F13A1: variants seen among roughly 807,000 people sequenced by gnomAD.
The protein encoded by F13A1 is FSF, A subunit.
In F13A1, 47 loss-of-function variants were observed where a neutral mutation model predicts 80.1. That is an observed-to-expected ratio of 0.59 (90% CI 0.46 to 0.75). The LOEUF is 0.75. F13A1 is among the 30% of genes least tolerant of loss of function. The pLI is 0.00. For synonymous variants in F13A1, 349 were observed against 344.9 expected (o/e 1.01, Z -0.13); for missense variants, 817 against 930.4 (o/e 0.88, Z 1.59).
intron 8 of F13A1, among the ~76,000 whole-genome samples, chr6:6,200,019 G>C (rs1224035035): frequency 1.3e-5 from 2 of 152,208 alleles, no homozygotes; most frequent in African/African-American, 4.8e-5. Flanking sequence ...AAAAAAGGAA[G>C]AGAAGAAAGT....
chr6:6,238,959 T>C (rs1436740983), intron 6 of F13A1, among the ~76,000 whole-genome samples: 4 of 152,098 alleles, frequency 2.6e-5, no homozygotes, highest in Admixed American at 2.6e-4. Flanking sequence ...TCTTATAAAG[T>C]TAAATATATA....
chr6:6,161,264 ACTCAGGCCACT>A (rs1453536648), intron 13 of F13A1, among the ~76,000 whole-genome samples: 1 of 151,860 alleles, frequency 6.6e-6, no homozygotes, highest in East Asian at 1.9e-4. Context: ...TGAGGGCCAC[ACTCAGGCCACT>A]GGCCCACTTC....
chr6:6,294,307 A>C (rs989601085), intron 3 of F13A1, among the ~76,000 whole-genome samples: 4 of 152,038 alleles, frequency 2.6e-5, no homozygotes, highest in African/African-American at 9.7e-5. Context: ...AGGCAGAAAA[A>C]CTTGAAAAGG....
At chr6:6,204,977 TGGGAGCCACCTGG>T (rs1761460133) in intron 8 of F13A1, among the ~76,000 whole-genome samples, 1 of 152,224 alleles carries the variant, frequency 6.6e-6, no homozygotes, top group South Asian at 2.1e-4. Context: ...TCCCTCTGGC[TGGGAGCCACCTGG>T]GGAAGCCCTG....
intron 4 of F13A1, among the ~76,000 whole-genome samples, chr6:6,263,368 C>A (rs1757802831): frequency 1.3e-5 from 2 of 152,194 alleles, no homozygotes; most frequent in Non-Finnish European, 2.9e-5. Context: ...CTATCCTATT[C>A]AACTAATCAT....
chr6:6,222,237 C>A (rs1402255267), intron 7 of F13A1, 66 bp from the exon 8 acceptor site: 1 of 1,604,454 alleles, frequency 6.2e-7, no homozygotes, highest in Non-Finnish European at 8.5e-7. Flanking sequence ...AGTGAAAAAA[C>A]CCTTCTTGTA....
At chr6:6,170,618 A>G (rs374559371) in intron 12 of F13A1, among the ~76,000 whole-genome samples, 10 of 152,218 alleles carry the variant, frequency 6.6e-5, no homozygotes, top group African/African-American at 2.4e-4. Flanking sequence ...TCCAAAAAGC[A>G]AAGAAAACTA....
rs577613382 is a variant in F13A1 at position 6,298,511 on chromosome 6, T to G, written c.319+6840A>C. On this transcript the variant is annotated intron_variant, in intron 3 of 14. Transcript: ENST00000264870. ...CCTTTACCATTATGTAATGGCCTTCTTTGTCTCTTTTGATCTTTGTTGGTT... is the reference window on the plus strand; with the variant it reads ...CCTTTACCATTATGTAATGGCCTTCGTTGTCTCTTTTGATCTTTGTTGGTT... Among the ~76,000 whole-genome samples the G allele has an allele frequency of 6.5e-3, 974 of 149,806 alleles. 96 individuals carry two copies. The highest frequency in any genetic ancestry group is 0.024 in the African/African-American group (925 of 39,224).
At position 6,240,565 on chromosome 6, in the gene F13A1, T is replaced by C. The variant is rs143418084; in HGVS notation, c.798+7747A>G. On this transcript the variant is annotated intron_variant, in intron 6 of 14. Transcript: ENST00000264870. Reference sequence around the variant, plus strand: ...CCCCAGTGCTACCAGCAACCTTGGATAAAGTTACTTAACTTCCTGATGCCT... The same window carrying C: ...CCCCAGTGCTACCAGCAACCTTGGACAAAGTTACTTAACTTCCTGATGCCT... Among the ~76,000 whole-genome samples the C allele has an allele frequency of 1.5e-3, 228 of 152,338 alleles. 1 individual carries two copies. The highest frequency in any genetic ancestry group is 5.4e-3 in the African/African-American group (223 of 41,586).
At chr6:6,158,695 G>A (rs562786534) in intron 13 of F13A1, among the ~76,000 whole-genome samples, 6 of 152,208 alleles carry the variant, frequency 3.9e-5, no homozygotes, top group African/African-American at 9.6e-5. Flanking sequence ...GAGAGAGAAC[G>A]TGCTCGGTTG....
At chr6:6,290,512 T>C (rs1758208181) in intron 3 of F13A1, among the ~76,000 whole-genome samples, 1 of 152,222 alleles carries the variant, frequency 6.6e-6, no homozygotes, top group Non-Finnish European at 1.5e-5. Context: ...CTAAACAAGA[T>C]TCATTTTTTG....
chr6:6,320,575 T>A lies in F13A1; in HGVS notation c.-19+12A>T, dbSNP rs2815822. ...GGGCCCTGGCTCATAGGGTGCAGGG[T>A]CGGTGGCTTACCTGCAGGCGCTCCC... On this transcript the variant is annotated intron_variant, in intron 1 of 14. Transcript: ENST00000264870. 2 of 466,498 alleles carry A rather than the reference T, an allele frequency of 4.3e-6. No individual in the cohort carries two copies. The highest frequency in any genetic ancestry group is 3.1e-5 in the South Asian group (2 of 63,840). 28.9% of individuals were successfully genotyped at this position (466,498 alleles called of 1,614,324 possible).
chr6:6,169,753 C>T (rs1760739713), intron 12 of F13A1, among the ~76,000 whole-genome samples: 2 of 152,196 alleles, frequency 1.3e-5, no homozygotes, highest in Non-Finnish European at 2.9e-5. Context: ...GATAGTCCCA[C>T]AACAAAGTAT....
chr6:6,283,285 A>G (rs1758091146), intron 3 of F13A1, among the ~76,000 whole-genome samples: 3 of 152,228 alleles, frequency 2.0e-5, no homozygotes, highest in Admixed American at 6.5e-5. Context: ...AAAGAAAACT[A>G]AAGACATGAG....
At chr6:6,176,021 C>T (rs191528982) in intron 11 of F13A1, among the ~76,000 whole-genome samples, 1 of 152,334 alleles carries the variant, frequency 6.6e-6, no homozygotes, top group African/African-American at 2.4e-5. Flanking sequence ...AAACAGGGCT[C>T]ATGCAGATGT....
rs574407192 is a variant in F13A1, at chr6:6,305,240, C to T, written c.319+111G>A. ...TCAGGGGCTGGATGTCATTCCAGCT[C>T]CTGCCACTGTTGACATATGACACTA... On this transcript the variant is annotated intron_variant, in intron 3 of 14. Coordinates refer to ENST00000264870, the MANE Select transcript of F13A1 (RefSeq NM_000129.4). The T allele has an allele frequency of 2.1e-4, 250 of 1,211,296 alleles. 2 individuals carry two copies. In the South Asian group the frequency reaches 2.5e-3, roughly 12 times the overall value. The allele number at this position is 1,211,296 out of a possible 1,614,324, so 75.0% of individuals were successfully genotyped here. A position where few individuals can be genotyped will look rare whatever the true frequency, so the allele number is the denominator to read the frequency against.
At chr6:6,202,953 T>G (rs1761423963) in intron 8 of F13A1, among the ~76,000 whole-genome samples, 2 of 152,224 alleles carry the variant, frequency 1.3e-5, no homozygotes, top group Non-Finnish European at 2.9e-5. Context: ...TAGTTTATGT[T>G]GTGATTCAGT....
chr6:6,145,678 A>G lies in F13A1; in HGVS notation c.2140T>C (p.Ser714Pro). Residue 714 changes from serine (S) to proline (P), a missense_variant, in exon 15 of 15, where the codon TCC (serine) becomes CCC (proline). Coordinates refer to ENST00000264870, the MANE Select transcript of F13A1 (RefSeq NM_000129.4). ...RKLIASMSSDSLRHVYGELDV... is the reference protein window; with the variant it reads ...RKLIASMSSDPLRHVYGELDV... ...AGCTCGCCATACACATGTCTCAGGG[A>G]GTCACTGCTCATGCTGGCTATCAGC... 1 of 1,614,126 alleles carries G rather than the reference A, an allele frequency of 6.2e-7. No homozygotes were observed. Among genetic ancestry groups the G allele is most frequent in the South Asian group, 1.1e-5 (1 of 91,078 alleles).
In F13A1 at chr6:6,248,296, A is replaced by G. The variant is rs1561667367; in HGVS notation, c.798+16T>C. 6.2e-7 allele frequency: 1 copy of G among 1,602,586 alleles called. No homozygotes were observed. Among genetic ancestry groups the G allele is most frequent in the South Asian group, 1.1e-5 (1 of 90,818 alleles). The stretch of plus-strand genomic sequence containing the variant: ...ACAGGTGTAACAGATTTTAGGTATC[A>G]GTAATTGCTGCTTACCATTGCAGAC... On this transcript the variant is annotated intron_variant, in intron 6 of 14. Coordinates refer to ENST00000264870, the MANE Select transcript of F13A1 (RefSeq NM_000129.4).
Sources: gnomAD v4.1 joint callset for allele counts (sites outside exome capture counted in the v4.1 genomes callset) on GRCh38, gnomAD v4.1.1 for gene constraint, MANE v1.5 for transcripts, NCBI Gene and HGNC (gene_info 2026-07-23, HGNC 2026-07-21) for gene names.